STK3: variants seen among roughly 807,000 people sequenced by gnomAD.
STK3 encodes serine/threonine kinase 3.
In STK3, 41 loss-of-function variants were observed where a neutral mutation model predicts 58.0. The ratio of observed to expected loss-of-function variants is 0.71; its 90% CI spans 0.55 to 0.92. The LOEUF is 0.92. Among genes scored for constraint, STK3 ranks in the 40% least tolerant of loss-of-function variants. The probability of loss-of-function intolerance (pLI) is 0.00; values close to 1 mark genes in which losing one functional copy is unlikely to be tolerated. For missense variants in STK3, 479 were observed against 602.7 expected (o/e 0.79, Z 2.15); for synonymous variants, 170 against 191.0 (o/e 0.89, Z 0.91).
intron 6 of STK3, among the ~76,000 whole-genome samples, chr8:98,657,042 C>T (rs1377360857): frequency 1.3e-5 from 2 of 152,054 alleles, no homozygotes; most frequent in East Asian, 3.9e-4. Context: ...TATATTCCAG[C>T]AGACAAAGAC....
At chr8:98,921,657 A>C (rs956081823) in intron 1 of STK3, 10 of 152,214 alleles carry the variant, frequency 6.6e-5, no homozygotes, top group African/African-American at 2.4e-4. Flanking sequence ...CTGGGTATCC[A>C]CAGCCATTTC....
In STK3 at chr8:98,589,351, C is replaced by A. The variant is rs576540551; in HGVS notation, c.822+6681G>T. On this transcript the variant is annotated intron_variant, in intron 7 of 10. Transcript: ENST00000419617. ...CTCAGTTGCAGGTCTGTTGGAGTAACCTGCCGTGTGAGGTGTCAGTGTGCC... is the reference window on the plus strand; with the variant it reads ...CTCAGTTGCAGGTCTGTTGGAGTAAACTGCCGTGTGAGGTGTCAGTGTGCC... Among the ~76,000 whole-genome samples, 18 of 152,272 alleles carry A rather than the reference C, an allele frequency of 1.2e-4. 1 individual carries two copies. The Middle Eastern group carries it at 0.024, about 201-fold the overall frequency.
the STK3 span, among the ~76,000 whole-genome samples, chr8:98,353,726 T>G: frequency 6.6e-6 from 1 of 152,242 alleles, no homozygotes; most frequent in African/African-American, 2.4e-5. Flanking sequence ...AAATGAAAAT[T>G]AGGATATCAC....
intron 1 of STK3, among the ~76,000 whole-genome samples, chr8:98,892,697 A>C (rs1398125229): frequency 6.6e-6 from 1 of 152,228 alleles, no homozygotes; most frequent in African/African-American, 2.4e-5. Flanking sequence ...CTTACTATGT[A>C]AGCTTTATCC....
intron 4 of STK3, among the ~76,000 whole-genome samples, chr8:98,719,320 A>C (rs1827240036): frequency 6.6e-6 from 1 of 152,182 alleles, no homozygotes. Context: ...TTAGTTACCT[A>C]GACTTCAATT....
chr8:98,803,875 G>C (rs1833746938), intron 1 of STK3, among the ~76,000 whole-genome samples: 1 of 152,056 alleles, frequency 6.6e-6, no homozygotes, highest in African/African-American at 2.4e-5. Flanking sequence ...TGTAGCCCTT[G>C]ATAACCAAGA....
intron 10 of STK3, among the ~76,000 whole-genome samples, chr8:98,512,128 C>G (rs555861108): frequency 6.6e-6 from 1 of 151,956 alleles, no homozygotes; most frequent in African/African-American, 2.4e-5. Flanking sequence ...CTCCTCCCCC[C>G]ACCACACAAC....
At chr8:98,554,401 A>G (rs771446810) in intron 8 of STK3, among the ~76,000 whole-genome samples, 4 of 152,130 alleles carry the variant, frequency 2.6e-5, no homozygotes, top group Non-Finnish European at 5.9e-5. Context: ...AACAAGAAAC[A>G]TAACATCTGA....
intron 10 of STK3, among the ~76,000 whole-genome samples, chr8:98,502,635 C>T (rs552153085): frequency 4.6e-5 from 7 of 152,158 alleles, no homozygotes; most frequent in African/African-American, 9.6e-5. Context: ...CTTTGTCAAA[C>T]GCCTTTTCTG....
At chr8:98,479,489 G>A (rs143027281) in intron 10 of STK3, among the ~76,000 whole-genome samples, 2,242 of 19,638 alleles carry the variant, frequency 0.11, 256 homozygotes, top group East Asian at 0.21. Flanking sequence ...TCCGTCTCGG[G>A]GGGGGGGGGG....
chr8:98,697,806 G>A (rs1323384807), intron 6 of STK3, among the ~76,000 whole-genome samples: 1 of 152,190 alleles, frequency 6.6e-6, no homozygotes, highest in Non-Finnish European at 1.5e-5. Context: ...TTTGGAACAG[G>A]TGTGGTGCGG....
At chr8:98,825,380 G>C (rs1835186894) in intron 1 of STK3, 135 bp downstream of exon 1, 1 of 742,446 alleles carries the variant, frequency 1.3e-6, no homozygotes, top group South Asian at 4.2e-5. Flanking sequence ...ACTCGGACCC[G>C]CCTCCCGACC....
intron 4 of STK3, among the ~76,000 whole-genome samples, chr8:98,720,847 T>G (rs1827359769): frequency 6.6e-6 from 1 of 151,782 alleles, no homozygotes; most frequent in South Asian, 2.1e-4. Flanking sequence ...AATGTCTAAT[T>G]AGAACAGTTG....
chr8:98,550,266 G>C (rs890644925), intron 8 of STK3, among the ~76,000 whole-genome samples: 1 of 151,954 alleles, frequency 6.6e-6, no homozygotes, highest in South Asian at 2.1e-4. Flanking sequence ...TCTCAAAGTC[G>C]TTTGCACTTC....
rs554121880 is a variant in STK3, at chr8:98,695,291, T to C, written c.684+11176A>G. Among the ~76,000 whole-genome samples, 29 of 152,340 alleles carry C rather than the reference T, an allele frequency of 1.9e-4. No individual in the cohort carries two copies. In the East Asian group the frequency reaches 2.7e-3, roughly 14 times the overall value. ...ATTGCAAAAATTTCCTCCCATTGTG[T>C]AGGCTGCCTGTTCACTCTGATGGTA... On this transcript the variant is annotated intron_variant, in intron 6 of 10. Transcript: ENST00000419617.
downstream of STK3, among the ~76,000 whole-genome samples, chr8:98,396,512 A>AGG (rs2131019815): frequency 1.3e-5 from 2 of 152,346 alleles, no homozygotes; most frequent in East Asian, 3.9e-4. Flanking sequence ...GCAGCATGGT[A>AGG]GGCAGGAGAC....
chr8:98,470,378 G>A (rs752048013), intron 10 of STK3, among the ~76,000 whole-genome samples: 1 of 152,082 alleles, frequency 6.6e-6, no homozygotes, highest in Non-Finnish European at 1.5e-5. Context: ...CCCTGCCACC[G>A]CCAACCCACA....
chr8:98,419,886 TCC>T lies in STK3; in HGVS notation n.483+14239_483+14240del, dbSNP rs1336864446. On this transcript the variant is annotated intron_variant and non_coding_transcript_variant, in intron 3 of 3. Coordinates refer to the STK3 transcript ENST00000517832. The stretch of plus-strand genomic sequence containing the variant: ...GTGTCATTGTCCATGCTCTGTCTCT[TCC>T]CTTATCGCTCAACTTAATACAGAGG... 2.0e-5 allele frequency among the ~76,000 whole-genome samples: 3 copies of T among 152,274 alleles called. No individual in the cohort carries two copies. In the East Asian group the frequency reaches 5.8e-4, roughly 29 times the overall value.
rs572184560 is a variant in STK3, at chr8:98,547,874, G to A, written c.1141+95C>T. On this transcript the variant is annotated intron_variant, in intron 9 of 10. Transcript: ENST00000419617. Reference sequence around the variant, plus strand: ...AATCTAAGAAACAAAATTTTCCACAGTTGGCTATAAAAAGTAACACAGAAC... The same window carrying A: ...AATCTAAGAAACAAAATTTTCCACAATTGGCTATAAAAAGTAACACAGAAC... The A allele has an allele frequency of 6.9e-6, 8 of 1,157,816 alleles. No homozygotes were observed. The African/African-American group carries it at 1.3e-4, about 18-fold the overall frequency. 71.7% of individuals were successfully genotyped at this position (1,157,816 alleles called of 1,614,324 possible).
Sources: allele counts gnomAD v4.1 joint callset (sites outside exome capture counted in the v4.1 genomes callset), GRCh38; gene constraint gnomAD v4.1.1; transcripts MANE v1.5; gene names NCBI Gene and HGNC (gene_info 2026-07-23, HGNC 2026-07-21).